The following PLCH1 variants were observed in gnomAD, a reference collection of about 807,000 sequenced individuals.
The protein encoded by PLCH1 is phospholipase C eta 1.
PLCH1 carries 60 observed loss-of-function variants against 126.7 expected under a neutral mutation model. The observed-to-expected ratio is 0.47, with a 90% CI of 0.38 to 0.59. PLCH1 has a LOEUF of 0.59. Among genes scored for constraint, PLCH1 ranks in the 20% least tolerant of loss-of-function variants. The probability of loss-of-function intolerance (pLI) is 0.00; values close to 1 mark genes in which losing one functional copy is unlikely to be tolerated. For missense variants in PLCH1, 1,723 were observed against 2,040.0 expected (o/e 0.84, Z 2.99); for synonymous variants, 719 against 734.9 (o/e 0.98, Z 0.35).
chr3:155,579,145 A>G (rs904311868), intron 6 of PLCH1, among the ~76,000 whole-genome samples: 1 of 152,234 alleles, frequency 6.6e-6, no homozygotes, highest in Non-Finnish European at 1.5e-5. Context: ...CTGTGTTATT[A>G]AAAACTTATT....
intron 8 of PLCH1, among the ~76,000 whole-genome samples, chr3:155,557,371 G>C (rs542469181): frequency 2.0e-5 from 3 of 152,242 alleles, no homozygotes; most frequent in South Asian, 4.1e-4. Context: ...ATGCAAAGGC[G>C]ACAAAGCAAT....
At chr3:155,728,562 A>G (rs1748517126) in intron 1 of PLCH1, among the ~76,000 whole-genome samples, 1 of 152,174 alleles carries the variant, frequency 6.6e-6, no homozygotes, top group South Asian at 2.1e-4. Context: ...ATCTAACTCT[A>G]AAGATTTCCT....
chr3:155,513,741 C>G (rs2108233032), intron 12 of PLCH1, among the ~76,000 whole-genome samples: 1 of 152,306 alleles, frequency 6.6e-6, no homozygotes, highest in East Asian at 1.9e-4. Flanking sequence ...ATCTGCCCCT[C>G]TAACATGCAG....
At chr3:155,536,633 A>G (rs923649962) in intron 10 of PLCH1, among the ~76,000 whole-genome samples, 2 of 152,124 alleles carry the variant, frequency 1.3e-5, no homozygotes, top group Non-Finnish European at 2.9e-5. Context: ...ACAAAGAAAA[A>G]AGAATTAAAA....
At chr3:155,681,861 G>T (rs1017750079) in intron 2 of PLCH1, among the ~76,000 whole-genome samples, 2 of 152,110 alleles carry the variant, frequency 1.3e-5, no homozygotes, top group Non-Finnish European at 2.9e-5. Context: ...AAAATAGGGG[G>T]GTTTTTTACT....
intron 21 of PLCH1, among the ~76,000 whole-genome samples, chr3:155,472,260 C>T (rs1313805746): frequency 1.3e-5 from 2 of 152,016 alleles, no homozygotes; most frequent in African/African-American, 4.8e-5. Flanking sequence ...CCACCGATCC[C>T]ACAGAAATAC....
At chr3:155,714,547 A>AT (rs1159546943) in intron 1 of PLCH1, among the ~76,000 whole-genome samples, 5 of 152,204 alleles carry the variant, frequency 3.3e-5, no homozygotes, top group African/African-American at 1.2e-4. Context: ...AAGAAATAAA[A>AT]GGGTACTTTG....
intron 1 of PLCH1, among the ~76,000 whole-genome samples, chr3:155,729,508 A>G (rs1450741398): frequency 6.6e-6 from 1 of 152,224 alleles, no homozygotes; most frequent in Non-Finnish European, 1.5e-5. Flanking sequence ...TTGCATGGGA[A>G]GGACATTTTA....
intron 2 of PLCH1, among the ~76,000 whole-genome samples, chr3:155,609,461 T>C (rs1479797060): frequency 6.6e-6 from 1 of 152,146 alleles, no homozygotes; most frequent in Non-Finnish European, 1.5e-5. Context: ...AAAAAAGTAA[T>C]TCTGGTACTA....
At chr3:155,475,914 A>G (rs1287031272), downstream of PLCH1, among the ~76,000 whole-genome samples, 1 of 152,190 alleles carries the variant, frequency 6.6e-6, no homozygotes, top group Non-Finnish European at 1.5e-5. Context: ...AATCCTACTC[A>G]AACTATTCCA....
At chr3:155,613,246 A>G (rs958010504) in intron 2 of PLCH1, among the ~76,000 whole-genome samples, 2 of 152,200 alleles carry the variant, frequency 1.3e-5, no homozygotes, top group African/African-American at 4.8e-5. Flanking sequence ...TACCAATCCT[A>G]TTGACACTAT....
Position 155,596,431 on chromosome 3 carries a change from G to T in PLCH1, c.80-53C>A, listed in dbSNP as rs1733000794. On this transcript the variant is annotated intron_variant, in intron 2 of 22. Coordinates refer to ENST00000460012, the MANE Select transcript of PLCH1 (RefSeq NM_014996.4). ...CTATCACACAATGCACAGGCATACTGGTGTCCAGGTTTTAGAGTCAAATAA... is the reference window on the plus strand; with the variant it reads ...CTATCACACAATGCACAGGCATACTTGTGTCCAGGTTTTAGAGTCAAATAA... The T allele has an allele frequency of 5.4e-6, 8 of 1,485,820 alleles. No individual in the cohort carries two copies. The East Asian group carries it at 1.2e-4, about 22-fold the overall frequency. The allele number at this position is 1,485,820 out of a possible 1,614,324, so 92.0% of individuals were successfully genotyped here.
intron 2 of PLCH1, among the ~76,000 whole-genome samples, chr3:155,646,463 G>A (rs980025264): frequency 4.6e-5 from 7 of 152,074 alleles, no homozygotes; most frequent in South Asian, 2.1e-4. Context: ...CAGCACTGCC[G>A]ACCATAATGT....
chr3:155,683,745 CAT>C (rs1383023059), intron 2 of PLCH1, among the ~76,000 whole-genome samples: 2 of 152,182 alleles, frequency 1.3e-5, no homozygotes, highest in African/African-American at 2.4e-5. Flanking sequence ...TTGACAGTGA[CAT>C]ATATTAAAAC....
At chr3:155,677,262 G>T (rs915844477) in intron 2 of PLCH1, among the ~76,000 whole-genome samples, 2 of 152,108 alleles carry the variant, frequency 1.3e-5, no homozygotes, top group Non-Finnish European at 1.5e-5. Context: ...GGGCCACCCA[G>T]CCTAGATTGC....
chr3:155,699,082 CT>C (rs796347387), intron 2 of PLCH1, among the ~76,000 whole-genome samples: 127 of 127,576 alleles, frequency 1.0e-3, no homozygotes, highest in Admixed American at 1.2e-3. Flanking sequence ...AATCTTTTAT[CT>C]TTTTTTTTTT....
At chr3:155,642,737 G>A (rs982391321) in intron 2 of PLCH1, among the ~76,000 whole-genome samples, 9 of 152,124 alleles carry the variant, frequency 5.9e-5, no homozygotes, top group Non-Finnish European at 1.2e-4. Flanking sequence ...TTGGATTTAG[G>A]CTATGATTTT....
At chr3:155,550,939 T>C (rs1258362885) in intron 9 of PLCH1, among the ~76,000 whole-genome samples, 1 of 152,180 alleles carries the variant, frequency 6.6e-6, no homozygotes, top group African/African-American at 2.4e-5. Context: ...CCTGATGCTG[T>C]GGGCCATCTT....
chr3:155,668,727 T>C (rs1743070611), intron 2 of PLCH1, among the ~76,000 whole-genome samples: 2 of 151,994 alleles, frequency 1.3e-5, no homozygotes, highest in Admixed American at 1.3e-4. Flanking sequence ...ACCTTGTCTC[T>C]ACTAAAAATA....
Sources: allele counts gnomAD v4.1 joint callset (sites outside exome capture counted in the v4.1 genomes callset), GRCh38; gene constraint gnomAD v4.1.1; transcripts MANE v1.5; gene names NCBI Gene and HGNC (gene_info 2026-07-23, HGNC 2026-07-21).